Variants in EIF4EBP1 observed in about 807,000 individuals in gnomAD.
EIF4EBP1 encodes eukaryotic translation initiation factor 4E binding protein 1, also known as eukaryotic translation initiation factor 4E-binding protein 1.
EIF4EBP1 carries 5 observed loss-of-function variants against 9.2 expected under a neutral mutation model. The ratio of observed to expected loss-of-function variants is 0.54; its 90% CI spans 0.28 to 1.14. EIF4EBP1 has a LOEUF of 1.14. EIF4EBP1 is among the 50% of genes most tolerant of loss of function. The pLI is 0.09. For missense variants in EIF4EBP1, 139 were observed against 169.6 expected (o/e 0.82, Z 1.00); for synonymous variants, 62 against 67.0 (o/e 0.93, Z 0.36).
intron 1 of EIF4EBP1, among the ~76,000 whole-genome samples, chr8:38,046,316 C>G (rs1271007205): frequency 6.6e-6 from 1 of 152,112 alleles, no homozygotes; most frequent in Non-Finnish European, 1.5e-5. Context: ...ACTGTCACCA[C>G]AAAGCATGCC....
In EIF4EBP1 at chr8:38,048,387, A is replaced by T. The variant is rs185288044; in HGVS notation, c.146-8694A>T. Among the ~76,000 whole-genome samples, 1,277 of 152,218 alleles carry T rather than the reference A, an allele frequency of 8.4e-3. 5 individuals are homozygous for T. Among genetic ancestry groups the T allele is most frequent in the Non-Finnish European group, 0.012 (840 of 68,008 alleles). ...AGCATTTCCACTTTTATATATATAT[A>T]TTTTTTAAAAAAAGCAGAGTTAATA... On this transcript the variant is annotated intron_variant, in intron 1 of 2. Transcript: ENST00000338825.
intron 1 of EIF4EBP1, among the ~76,000 whole-genome samples, chr8:38,037,623 A>G (rs1342873450): frequency 6.6e-6 from 1 of 151,706 alleles, no homozygotes; most frequent in Non-Finnish European, 1.5e-5. Flanking sequence ...AGGATAACCT[A>G]GTTTTCTTAC....
At chr8:38,040,674 G>C (rs1809365491) in intron 1 of EIF4EBP1, among the ~76,000 whole-genome samples, 5 of 152,210 alleles carry the variant, frequency 3.3e-5, no homozygotes, top group African/African-American at 4.8e-5. Context: ...AAGCCTGGGA[G>C]TTCCCTCTAT....
intron 1 of EIF4EBP1, among the ~76,000 whole-genome samples, chr8:38,049,050 G>A (rs1809482238): frequency 2.0e-5 from 3 of 151,440 alleles, no homozygotes; most frequent in South Asian, 4.2e-4. Flanking sequence ...GCTTGAATCT[G>A]GGAGGCGGAG....
At chr8:38,041,326 C>G (rs1809376650) in intron 1 of EIF4EBP1, among the ~76,000 whole-genome samples, 1 of 152,166 alleles carries the variant, frequency 6.6e-6, no homozygotes, top group Non-Finnish European at 1.5e-5. Flanking sequence ...TGGTCTCGAA[C>G]TTCTAACCTC....
chr8:38,041,431 C>G (rs1306562672), intron 1 of EIF4EBP1, among the ~76,000 whole-genome samples: 1 of 152,176 alleles, frequency 6.6e-6, no homozygotes, highest in African/African-American at 2.4e-5. Flanking sequence ...ATGAGAGAAG[C>G]TACATGTGCA....
intron 1 of EIF4EBP1, among the ~76,000 whole-genome samples, chr8:38,034,383 C>A (rs1032404220): frequency 1.3e-5 from 2 of 152,106 alleles, no homozygotes; most frequent in African/African-American, 4.8e-5. Context: ...ACCATTTGCA[C>A]ACTGAGGCTC....
At position 38,032,064 on chromosome 8, in the gene EIF4EBP1, C is replaced by T. The variant is rs1809232598; in HGVS notation, c.145+1346C>T. 3.3e-5 allele frequency among the ~76,000 whole-genome samples: 5 copies of T among 152,326 alleles called. No individual in the cohort carries two copies. The South Asian group carries it at 1.0e-3, about 32-fold the overall frequency. Reference sequence around the variant, plus strand: ...GTCACAATGGTCTACCAGGACAATTCCTGACAATTTTGGAGTTCTTTCAAA... The same window carrying T: ...GTCACAATGGTCTACCAGGACAATTTCTGACAATTTTGGAGTTCTTTCAAA... On this transcript the variant is annotated intron_variant, in intron 1 of 2. Coordinates refer to ENST00000338825, the MANE Select transcript of EIF4EBP1 (RefSeq NM_004095.4).
rs537448987 is a variant in EIF4EBP1, at chr8:38,059,891, CCT to C, written c.326-7_326-6del. The stretch of plus-strand genomic sequence containing the variant: ...CCATTGTTGACCTGGCCCTCTGTCC[CCT>C]CTCTCCCCAGGTGAAGAGTCACAGT... On this transcript the variant is annotated splice_polypyrimidine_tract_variant and intron_variant, in intron 2 of 2. Transcript: ENST00000338825. 6.2e-4 allele frequency: 900 copies of C among 1,451,846 alleles called. 18 individuals are homozygous for C. In the South Asian group the frequency reaches 0.011, roughly 18 times the overall value. 89.9% of individuals were successfully genotyped at this position (1,451,846 alleles called of 1,614,324 possible).
At chr8:38,044,019 G>A (rs1281340632) in intron 1 of EIF4EBP1, among the ~76,000 whole-genome samples, 1 of 152,122 alleles carries the variant, frequency 6.6e-6, no homozygotes, top group Non-Finnish European at 1.5e-5. Flanking sequence ...TTAACAGGGA[G>A]CTGCCTCAGA....
At chr8:38,037,639 G>A (rs141851535) in intron 1 of EIF4EBP1, among the ~76,000 whole-genome samples, 72 of 152,062 alleles carry the variant, frequency 4.7e-4, no homozygotes, top group African/African-American at 1.7e-3. Flanking sequence ...CTTACTGTCA[G>A]GCCTGAGTCT....
chr8:38,037,945 T>C (rs142800768), intron 1 of EIF4EBP1, among the ~76,000 whole-genome samples: 24 of 151,910 alleles, frequency 1.6e-4, no homozygotes, highest in African/African-American at 5.8e-4. Flanking sequence ...GGCTAATCTT[T>C]AAATTTTTAG....
chr8:38,033,203 A>G (rs1809249810), intron 1 of EIF4EBP1, among the ~76,000 whole-genome samples: 1 of 151,490 alleles, frequency 6.6e-6, no homozygotes, highest in Admixed American at 6.6e-5. Flanking sequence ...TAACTGGGAC[A>G]ACAGGCATGC....
At position 38,031,879 on chromosome 8, in the gene EIF4EBP1, T is replaced by C. The variant is rs554925023; in HGVS notation, c.145+1161T>C. 5.3e-5 allele frequency among the ~76,000 whole-genome samples: 8 copies of C among 152,344 alleles called. No homozygotes were observed. In the East Asian group the frequency reaches 1.5e-3, roughly 29 times the overall value. On this transcript the variant is annotated intron_variant, in intron 1 of 2. Transcript: ENST00000338825. ...CCCATTGTCACACCGTTTTCCCAGA[T>C]TGGACAAGAAATAGCAACCAGGCAG...
intron 1 of EIF4EBP1, among the ~76,000 whole-genome samples, chr8:38,032,239 A>G (rs1809235610): frequency 6.6e-6 from 1 of 152,202 alleles, no homozygotes; most frequent in Admixed American, 6.5e-5. Flanking sequence ...TGGCCCGGGT[A>G]CCAAGGTTCA....
At chr8:38,044,859 G>A (rs1446699810) in intron 1 of EIF4EBP1, among the ~76,000 whole-genome samples, 3 of 152,182 alleles carry the variant, frequency 2.0e-5, no homozygotes, top group South Asian at 2.1e-4. Context: ...AAGCTCCTGC[G>A]TGGGGAGTTG....
At chr8:38,055,252 T>C (rs1809580707) in intron 1 of EIF4EBP1, among the ~76,000 whole-genome samples, 1 of 152,186 alleles carries the variant, frequency 6.6e-6, no homozygotes, top group Non-Finnish European at 1.5e-5. Flanking sequence ...TTGGTTCCTT[T>C]CCAGGGGTTT....
At chr8:38,039,402 C>CTTTTTTTT (rs56390718) in intron 1 of EIF4EBP1, among the ~76,000 whole-genome samples, 1 of 89,008 alleles carries the variant, frequency 1.1e-5, no homozygotes, top group African/African-American at 4.2e-5. Flanking sequence ...GTACTAAATA[C>CTTTTTTTT]TTTTTTTTTT....
At chr8:38,054,482 G>A (rs1809567404) in intron 1 of EIF4EBP1, among the ~76,000 whole-genome samples, 3 of 151,818 alleles carry the variant, frequency 2.0e-5, no homozygotes, top group Admixed American at 6.6e-5. Context: ...AAGTTGGGGG[G>A]AAACAAGAAG....
Sources: gnomAD v4.1 joint callset for allele counts (sites outside exome capture counted in the v4.1 genomes callset) on GRCh38, gnomAD v4.1.1 for gene constraint, MANE v1.5 for transcripts, NCBI Gene and HGNC (gene_info 2026-07-23, HGNC 2026-07-21) for gene names.